Variants in TENM3 observed in about 807,000 individuals in gnomAD.
TENM3 encodes teneurin transmembrane protein 3, also known as teneurin-3.
Under a neutral mutation model 255.1 loss-of-function variants are expected in TENM3, and 63 were observed. The observed-to-expected ratio is 0.25, with a 90% CI of 0.20 to 0.30. The LOEUF (loss-of-function observed/expected upper bound fraction) is 0.30, where lower values mean the gene tolerates loss of function less well. Ranked by LOEUF, TENM3 falls within the 10% of genes least tolerant of loss-of-function variation. The pLI is 1.00. For missense variants in TENM3, 2,929 were observed against 3,461.1 expected, an observed-to-expected ratio of 0.85 and a Z score of 3.86; for synonymous variants, 1,306 against 1,322.3, an observed-to-expected ratio of 0.99 and a Z score of 0.27.
the TENM3 span, among the ~76,000 whole-genome samples, chr4:181,956,354 T>C: frequency 6.6e-6 from 1 of 152,238 alleles, no homozygotes. Context: ...TCTCAGAATA[T>C]TGCATAAGTG....
chr4:181,547,616 G>A, the TENM3 span, among the ~76,000 whole-genome samples: 1 of 152,032 alleles, frequency 6.6e-6, no homozygotes, highest in Non-Finnish European at 1.5e-5. Context: ...AAAGCCTCTA[G>A]AGAGTAAAGA....
chr4:181,581,745 T>C, the TENM3 span, among the ~76,000 whole-genome samples: 3 of 148,490 alleles, frequency 2.0e-5, no homozygotes, highest in Admixed American at 2.0e-4. Context: ...TTTTTTTTTT[T>C]AATTTGCGAC....
At chr4:182,120,967 C>T in the TENM3 span, among the ~76,000 whole-genome samples, 1 of 152,100 alleles carries the variant, frequency 6.6e-6, no homozygotes, top group Non-Finnish European at 1.5e-5. Flanking sequence ...TGAGCAAAGG[C>T]ATGCCATGTT....
chr4:181,453,078 C>G, the TENM3 span, among the ~76,000 whole-genome samples: 2 of 152,286 alleles, frequency 1.3e-5, no homozygotes, highest in Middle Eastern at 3.4e-3. Context: ...TCCAGAAGCT[C>G]TAGAGCAGGA....
At chr4:182,518,759 A>T (rs1285022150) in intron 3 of TENM3, among the ~76,000 whole-genome samples, 1 of 152,254 alleles carries the variant, frequency 6.6e-6, no homozygotes, top group Non-Finnish European at 1.5e-5. Context: ...TGACCCCTGC[A>T]AACTGTAAGA....
chr4:181,951,429 T>C, the TENM3 span, among the ~76,000 whole-genome samples: 1 of 152,230 alleles, frequency 6.6e-6, no homozygotes. Context: ...TGCAACCTAC[T>C]GGTTTTTACA....
At chr4:182,381,036 CA>C (rs1299019163) in intron 3 of TENM3, among the ~76,000 whole-genome samples, 10 of 152,178 alleles carry the variant, frequency 6.6e-5, no homozygotes, top group African/African-American at 2.4e-4. Context: ...CGCTGACGGG[CA>C]GTCTTCTAGT....
At chr4:181,952,205 C>T in the TENM3 span, among the ~76,000 whole-genome samples, 7 of 152,144 alleles carry the variant, frequency 4.6e-5, no homozygotes. Context: ...AGCAAATCAT[C>T]GTGTGTTTCT....
rs565539088 is a variant in TENM3 at position 182,445,615 on chromosome 4, T to TA, written c.511+98686_511+98687insA. ...CAGCTCATTTGTGGACTTTTTATTT[T>TA]TTTTTTTAAATACAATTTGCTTTGA... On this transcript the variant is annotated intron_variant, in intron 3 of 27. Coordinates refer to ENST00000511685, the MANE Select transcript of TENM3 (RefSeq NM_001080477.4). Among the ~76,000 whole-genome samples, 16 of 152,194 alleles carry TA rather than the reference T, an allele frequency of 1.1e-4. No individual in the cohort carries two copies. In the South Asian group the frequency reaches 2.5e-3, roughly 24 times the overall value.
the TENM3 span, among the ~76,000 whole-genome samples, chr4:182,077,213 A>G: frequency 6.6e-6 from 1 of 152,160 alleles, no homozygotes; most frequent in Admixed American, 6.5e-5. Context: ...CCTATGGGTC[A>G]GTTCATTGTC....
Position 182,662,692 on chromosome 4 carries a change from C to T in TENM3, c.1111+8799C>T, listed in dbSNP as rs978049783. Among the ~76,000 whole-genome samples the T allele has an allele frequency of 3.3e-5, 5 of 152,018 alleles. No individual in the cohort carries two copies. In the South Asian group the frequency reaches 8.3e-4, roughly 25 times the overall value. On this transcript the variant is annotated intron_variant, in intron 6 of 27. Coordinates refer to ENST00000511685, the MANE Select transcript of TENM3 (RefSeq NM_001080477.4). ...TCTGAAGCCAAAGTTTTCTGGAATT[C>T]GGGACATGATGAAAGACTTCTGTGT...
At chr4:181,869,498 T>A in the TENM3 span, among the ~76,000 whole-genome samples, 8 of 152,192 alleles carry the variant, frequency 5.3e-5, no homozygotes, top group African/African-American at 1.7e-4. Flanking sequence ...ATTAAATAAT[T>A]GAATTGTTTG....
At chr4:182,244,736 C>T (rs1312872707) in intron 1 of TENM3, among the ~76,000 whole-genome samples, 1 of 152,172 alleles carries the variant, frequency 6.6e-6, no homozygotes, top group East Asian at 1.9e-4. Flanking sequence ...GAAAGAAAAA[C>T]CAAGTTTTGT....
chr4:181,780,023 A>G, the TENM3 span, among the ~76,000 whole-genome samples: 318 of 152,144 alleles, frequency 2.1e-3, no homozygotes, highest in Middle Eastern at 0.017. Flanking sequence ...CATTTTCTTA[A>G]TCCAGTCTAT....
At chr4:181,780,415 C>T in the TENM3 span, among the ~76,000 whole-genome samples, 27 of 152,184 alleles carry the variant, frequency 1.8e-4, 2 homozygotes, top group Admixed American at 1.4e-3. Flanking sequence ...TCATGTGTCT[C>T]TTGGCTGCAT....
the TENM3 span, among the ~76,000 whole-genome samples, chr4:181,527,580 G>T: frequency 1.3e-5 from 2 of 150,308 alleles, no homozygotes; most frequent in Admixed American, 1.3e-4. Flanking sequence ...TGGCCAGGCT[G>T]GTCTCGAACT....
At chr4:182,714,327 A>AC in intron 13 of TENM3, 94 bp downstream of exon 13, 19 of 989,034 alleles carry the variant, frequency 1.9e-5, no homozygotes, top group Non-Finnish European at 2.7e-5. Context: ...AAAAAAAAAA[A>AC]AAAAAAAAAA....
At chr4:182,235,568 C>T (rs186710822) in intron 1 of TENM3, among the ~76,000 whole-genome samples, 5 of 152,268 alleles carry the variant, frequency 3.3e-5, no homozygotes, top group African/African-American at 1.2e-4. Flanking sequence ...AACTACTACA[C>T]ATGTACACAC....
intron 3 of TENM3, among the ~76,000 whole-genome samples, chr4:182,487,553 A>G (rs898112978): frequency 6.6e-6 from 1 of 152,096 alleles, no homozygotes; most frequent in Non-Finnish European, 1.5e-5. Context: ...AATAATTTTG[A>G]TGGGCCAGTG....
Sources: gnomAD v4.1 joint callset for allele counts (sites outside exome capture counted in the v4.1 genomes callset) on GRCh38, gnomAD v4.1.1 for gene constraint, MANE v1.5 for transcripts, NCBI Gene and HGNC (gene_info 2026-07-23, HGNC 2026-07-21) for gene names.